RABEPK: variants seen among roughly 807,000 people sequenced by gnomAD.
RABEPK encodes 40 kDa Rab9 effector protein.
RABEPK carries 27 observed loss-of-function variants against 34.1 expected under a neutral mutation model. The ratio of observed to expected loss-of-function variants is 0.79; its 90% CI spans 0.58 to 1.09. The LOEUF (loss-of-function observed/expected upper bound fraction) is 1.09, where lower values mean the gene tolerates loss of function less well. Ranked by LOEUF, RABEPK falls within the 50% of genes least tolerant of loss-of-function variation. The pLI, the probability that RABEPK is intolerant of heterozygous loss-of-function variation, is 0.00. For missense variants in RABEPK, 449 were observed against 462.6 expected, an observed-to-expected ratio of 0.97 and a Z score of 0.27; for synonymous variants, 172 against 169.2, an observed-to-expected ratio of 1.02 and a Z score of -0.13.
chr9:125,203,020 C>G lies in RABEPK; in HGVS notation c.7C>G (p.Gln3Glu), dbSNP rs762143063. 2 of 1,613,598 alleles carry G rather than the reference C, an allele frequency of 1.2e-6. No homozygotes were observed. The highest frequency in any genetic ancestry group is 4.5e-5 in the East Asian group (2 of 44,848). MK[Q>E]LPVLEPGDKP... is the part of the protein sequence containing the mutation. ...TTCTTATGCATAGGACACCATGAAG[C>G]AACTGCCAGTCTTGGAACCTGGAGA... The change falls in exon 2 of 8, where the codon CAA becomes GAA. Residue 3 changes from glutamine (Q) to glutamate (E), a missense_variant. Physicochemically the swap from Gln to Glu is conservative, Grantham distance 29. Transcript: ENST00000373538.
Position 125,220,705 on chromosome 9 carries a change from G to C in RABEPK, c.526+5G>C. On this transcript the variant is annotated splice_donor_5th_base_variant and intron_variant, in intron 5 of 7. Transcript: ENST00000373538. ...AGCTGCATGTGTTTGACGCAAGTAT[G>C]GACTGGTGGGCACCTTGGGGCTGGT... 6.2e-7 allele frequency: 1 copy of C among 1,613,528 alleles called. No individual in the cohort carries two copies. Among genetic ancestry groups the C allele is most frequent in the South Asian group, 1.1e-5 (1 of 90,998 alleles).
intron 5 of RABEPK, chr9:125,221,679 T>TC (rs1444010785): frequency 6.6e-6 from 1 of 151,122 alleles, no homozygotes; most frequent in Non-Finnish European, 1.5e-5. Context: ...TTTTTCTTTT[T>TC]CTTTTTTTTT....
At chr9:125,212,935 T>C (rs1830683990) in intron 3 of RABEPK, among the ~76,000 whole-genome samples, 1 of 152,132 alleles carries the variant, frequency 6.6e-6, no homozygotes, top group Non-Finnish European at 1.5e-5. Context: ...CCCAAAGTGC[T>C]CGGATTACAG....
chr9:125,220,753 T>C lies in RABEPK; in HGVS notation c.526+53T>C. 4 of 1,543,930 alleles carry C rather than the reference T, an allele frequency of 2.6e-6. No individual in the cohort carries two copies. The East Asian group carries it at 9.2e-5, about 36-fold the overall frequency. On this transcript the variant is annotated intron_variant, in intron 5 of 7. Coordinates refer to ENST00000373538, the MANE Select transcript of RABEPK (RefSeq NM_005833.4). ...GGTCAGGGCCATCCCAGTTTACACATTACCTAATATAGGAAGCAGAAGTTA... is the reference window on the plus strand; with the variant it reads ...GGTCAGGGCCATCCCAGTTTACACACTACCTAATATAGGAAGCAGAAGTTA...
chr9:125,209,735 C>T (rs1446691688), intron 3 of RABEPK, among the ~76,000 whole-genome samples: 1 of 152,156 alleles, frequency 6.6e-6, no homozygotes, highest in Non-Finnish European at 1.5e-5. Flanking sequence ...AGCTCTCTGG[C>T]CTCCATGCCT....
Position 125,232,703 on chromosome 9 carries a change from A to C in RABEPK, c.784A>C (p.Thr262Pro). The change falls in exon 7 of 8, where the codon ACT becomes CCT. Residue 262 changes from threonine to proline, a missense_variant. Transcript: ENST00000373538. ...GKHVYIFGGM[T>P]PAGALDTMYQ... is the part of the protein sequence containing the mutation. ...ACATGTGTACATCTTTGGTGGAATG[A>C]CTCCTGCAGGAGCACTGGACACAAT... is the stretch of plus-strand genomic sequence containing the variant. 1 of 1,613,882 alleles carries C rather than the reference A, an allele frequency of 6.2e-7. No homozygotes were observed. The highest frequency in any genetic ancestry group is 8.5e-7 in the Non-Finnish European group (1 of 1,179,910).
chr9:125,207,533 A>G (rs776953964), intron 2 of RABEPK, 31 bp from the exon 3 acceptor site: 2 of 1,603,894 alleles, frequency 1.2e-6, no homozygotes, highest in African/African-American at 2.7e-5. Flanking sequence ...TTCTCTGCTC[A>G]GGCCTCCTGA....
rs1033842498 is a variant in RABEPK, at chr9:125,228,116, A to G, written c.676+57A>G. The G allele has an allele frequency of 8.6e-6, 11 of 1,274,408 alleles. No individual in the cohort carries two copies. In the African/African-American group the frequency reaches 1.7e-4, roughly 20 times the overall value. The allele number at this position is 1,274,408 out of a possible 1,614,324, so 78.9% of individuals were successfully genotyped here. Reference sequence around the variant, plus strand: ...AATTGTTATTTTTATTTATTTATTTATTTTTAGACAGGATCTCTGTCTGTC... The same window carrying G: ...AATTGTTATTTTTATTTATTTATTTGTTTTTAGACAGGATCTCTGTCTGTC... On this transcript the variant is annotated intron_variant, in intron 6 of 7. Transcript: ENST00000373538.
chr9:125,213,175 C>T (rs138856591), intron 3 of RABEPK, among the ~76,000 whole-genome samples, 195 bp from the exon 4 acceptor site: 46 of 152,262 alleles, frequency 3.0e-4, no homozygotes, highest in African/African-American at 1.1e-3. Flanking sequence ...TTCCATAGAA[C>T]GGGGTCTATG....
chr9:125,204,089 C>T (rs1830069405), intron 2 of RABEPK, among the ~76,000 whole-genome samples: 1 of 148,692 alleles, frequency 6.7e-6, no homozygotes, highest in South Asian at 2.1e-4. Flanking sequence ...AATCCCAGCA[C>T]TTTGGGAGGC....
At chr9:125,213,927 C>T (rs574645637) in intron 4 of RABEPK, among the ~76,000 whole-genome samples, 36 of 152,100 alleles carry the variant, frequency 2.4e-4, no homozygotes, top group African/African-American at 8.4e-4. Flanking sequence ...TTGAGATTGG[C>T]CTGGCCAGCA....
intron 4 of RABEPK, among the ~76,000 whole-genome samples, chr9:125,216,418 T>TA (rs1031641803): frequency 0.012 from 1,766 of 146,546 alleles, 37 homozygotes; most frequent in African/African-American, 0.039. Context: ...AAATTAAAAT[T>TA]AAAAAAAAAA....
intron 2 of RABEPK, among the ~76,000 whole-genome samples, chr9:125,204,719 C>CAATAAAGTGTTCCACTGAG (rs1310958740): frequency 2.6e-5 from 4 of 152,328 alleles, no homozygotes; most frequent in Non-Finnish European, 2.9e-5. Flanking sequence ...GCCCTTTGCA[C>CAATAAAGTGTTCCACTGAG]TGTTCCACTC....
chr9:125,213,228 T>C (rs976692798), intron 3 of RABEPK, 142 bp from the exon 4 acceptor site: 1 of 843,502 alleles, frequency 1.2e-6, no homozygotes, highest in Non-Finnish European at 1.9e-6. Flanking sequence ...TAGAATTTTC[T>C]GGAGGTTGAC....
intron 4 of RABEPK, among the ~76,000 whole-genome samples, chr9:125,217,037 A>G (rs913742547): frequency 2.0e-5 from 3 of 152,068 alleles, no homozygotes; most frequent in Non-Finnish European, 4.4e-5. Flanking sequence ...TGTGAAGCCA[A>G]TTTGCTTGGA....
At chr9:125,223,265 C>T (rs2131412548) in intron 5 of RABEPK, among the ~76,000 whole-genome samples, 1 of 152,060 alleles carries the variant, frequency 6.6e-6, no homozygotes, top group Non-Finnish European at 1.5e-5. Flanking sequence ...TGGTGAAACC[C>T]TGTCTCTACT....
rs1476154750 is a variant in RABEPK, at chr9:125,232,691, T to C, written c.772T>C (p.Phe258Leu). The C allele has an allele frequency of 3.7e-6, 6 of 1,613,966 alleles. No individual in the cohort carries two copies. The highest frequency in any genetic ancestry group is 5.1e-6 in the Non-Finnish European group (6 of 1,180,000). Residue 258 changes from phenylalanine to leucine, a missense_variant, in exon 7 of 8, where the codon TTT becomes CTT. By Grantham distance (22) the Phe-to-Leu change is conservative (BLOSUM62 0). Transcript: ENST00000373538. Reference sequence around the variant, plus strand: ...GGCCATGGGAAAACATGTGTACATCTTTGGTGGAATGACTCCTGCAGGAGC... The same window carrying C: ...GGCCATGGGAAAACATGTGTACATCCTTGGTGGAATGACTCCTGCAGGAGC... ...AVAMGKHVYIFGGMTPAGALD... is the reference protein window; with the variant it reads ...AVAMGKHVYILGGMTPAGALD...
At chr9:125,202,100 G>A (rs1829943624) in intron 1 of RABEPK, among the ~76,000 whole-genome samples, 1 of 151,938 alleles carries the variant, frequency 6.6e-6, no homozygotes, top group South Asian at 2.1e-4. Context: ...TGTAGTCCCA[G>A]CTTACTCTGG....
chr9:125,223,511 A>T (rs1349210144), intron 5 of RABEPK, among the ~76,000 whole-genome samples: 2 of 152,078 alleles, frequency 1.3e-5, no homozygotes. Context: ...GGCTATACTA[A>T]TAATTAAACC....
Sources: allele counts gnomAD v4.1 joint callset (sites outside exome capture counted in the v4.1 genomes callset), GRCh38; gene constraint gnomAD v4.1.1; transcripts MANE v1.5; gene names NCBI Gene and HGNC (gene_info 2026-07-23, HGNC 2026-07-21).